Variants in ZC3H15 observed in about 807,000 individuals in gnomAD.
ZC3H15 encodes zinc finger CCCH domain-containing protein 15.
ZC3H15 carries 15 observed loss-of-function variants against 51.2 expected under a neutral mutation model. That is an observed-to-expected ratio of 0.29 (90% CI 0.20 to 0.45). The LOEUF (loss-of-function observed/expected upper bound fraction) is 0.45. Among genes scored for constraint, ZC3H15 ranks in the 20% least tolerant of loss-of-function variants. ZC3H15 has a pLI of 1.00. For synonymous variants in ZC3H15, 144 were observed against 162.8 expected (o/e 0.88, Z 0.88); for missense variants, 381 against 494.7 (o/e 0.77, Z 2.18).
intron 2 of ZC3H15, among the ~76,000 whole-genome samples, chr2:186,499,127 G>A (rs902666730): frequency 6.6e-6 from 1 of 152,094 alleles, no homozygotes; most frequent in African/African-American, 2.4e-5. Context: ...TATCAGCTCT[G>A]TCTCCTTTTC....
chr2:186,494,391 A>G (rs969758404), intron 1 of ZC3H15, among the ~76,000 whole-genome samples: 9 of 152,332 alleles, frequency 5.9e-5, no homozygotes, highest in Admixed American at 2.6e-4. Flanking sequence ...AACTGAATGT[A>G]TCTTCCTCTT....
intron 2 of ZC3H15, among the ~76,000 whole-genome samples, chr2:186,498,958 TG>T (rs1685332123): frequency 6.6e-6 from 1 of 152,220 alleles, no homozygotes; most frequent in East Asian, 1.9e-4. Context: ...CCAGATGCTT[TG>T]TAAGCATCTT....
intron 1 of ZC3H15, among the ~76,000 whole-genome samples, chr2:186,491,635 A>G (rs1233138529): frequency 6.6e-6 from 1 of 152,166 alleles, no homozygotes; most frequent in East Asian, 1.9e-4. Flanking sequence ...GTTTGGGATT[A>G]AAATTTGGGC....
At chr2:186,499,169 T>C (rs1361615719) in intron 2 of ZC3H15, among the ~76,000 whole-genome samples, 1 of 152,176 alleles carries the variant, frequency 6.6e-6, no homozygotes, top group Admixed American at 6.5e-5. Context: ...CATTTTAAGC[T>C]CTTGTGTTTT....
Position 186,505,459 on chromosome 2 carries a change from C to G in ZC3H15, c.726C>G (p.Ala242=). 1 of 1,557,562 alleles carries G rather than the reference C, an allele frequency of 6.4e-7. No individual in the cohort carries two copies. Among genetic ancestry groups the G allele is most frequent in the Non-Finnish European group, 8.6e-7 (1 of 1,158,670 alleles). The change falls in exon 7 of 10, where the codon GCC becomes GCG. Residue 242 remains alanine, a synonymous_variant. Coordinates refer to ENST00000337859, the MANE Select transcript of ZC3H15 (RefSeq NM_018471.3). ...LEDLIERERS[A]LGPNVTKITL... is the part of the protein sequence containing the mutation. ...ATTCTTTACCATTGCAGCGTTCTGC[C>G]CTAGGTCCAAATGTTACCAAAATCA...
chr2:186,495,946 A>G (rs898849359), intron 2 of ZC3H15, among the ~76,000 whole-genome samples: 2 of 152,148 alleles, frequency 1.3e-5, no homozygotes, highest in Admixed American at 1.3e-4. Context: ...TTGCACTTCT[A>G]TGACTTCCCT....
At chr2:186,489,438 G>A (rs1452806262) in intron 1 of ZC3H15, among the ~76,000 whole-genome samples, 1 of 152,030 alleles carries the variant, frequency 6.6e-6, no homozygotes, top group East Asian at 1.9e-4. Context: ...TGATCTCTGT[G>A]ACTGTTATAA....
intron 1 of ZC3H15, 117 bp downstream of exon 1, chr2:186,486,574 C>A: frequency 9.2e-7 from 1 of 1,082,326 alleles, no homozygotes; most frequent in Non-Finnish European, 1.3e-6. Flanking sequence ...TCCCTTAGGC[C>A]TGTGTGGCCC....
At chr2:186,486,817 T>A (rs565699485) in intron 1 of ZC3H15, 1 of 234,920 alleles carries the variant, frequency 4.3e-6, no homozygotes, top group East Asian at 8.5e-5. Flanking sequence ...CTGAACGGTC[T>A]CGGGCCAGCG....
At chr2:186,506,054 T>G in intron 8 of ZC3H15, 2 of 656,772 alleles carry the variant, frequency 3.0e-6, no homozygotes, top group Non-Finnish European at 2.8e-6. Context: ...TTAATCGAGT[T>G]CATGAATTAG....
chr2:186,501,549 G>T, intron 4 of ZC3H15, 124 bp downstream of exon 4: 3 of 811,472 alleles, frequency 3.7e-6, no homozygotes, highest in African/African-American at 3.5e-5. Context: ...ATAATTAATT[G>T]GGTTTATTAT....
intron 3 of ZC3H15, chr2:186,500,641 A>G (rs1182707316): frequency 6.2e-6 from 3 of 481,944 alleles, no homozygotes; most frequent in Non-Finnish European, 1.2e-5. Flanking sequence ...TCTGTCATGT[A>G]TGTTCATTTC....
At chr2:186,500,129 A>T (rs1685355734) in intron 2 of ZC3H15, 53 bp from the exon 3 acceptor site, 1 of 1,514,754 alleles carries the variant, frequency 6.6e-7, no homozygotes, top group Non-Finnish European at 8.9e-7. Context: ...CTTTGTAGTA[A>T]AAACAATTTT....
At position 186,504,116 on chromosome 2, in the gene ZC3H15, T is replaced by C; in HGVS notation, c.619T>C (p.Tyr207His). 1 of 1,610,326 alleles carries C rather than the reference T, an allele frequency of 6.2e-7. No homozygotes were observed. Among genetic ancestry groups the C allele is most frequent in the Admixed American group, 1.7e-5 (1 of 59,486 alleles). ...CCCTGGAGGGGGTGATATTTGCATGTATCGTCATGCACTTCCTCCTGGATT... is the reference window on the plus strand; with the variant it reads ...CCCTGGAGGGGGTGATATTTGCATGCATCGTCATGCACTTCCTCCTGGATT... ...VCPGGGDICMYRHALPPGFVL... is the reference protein window; with the variant it reads ...VCPGGGDICMHRHALPPGFVL... Residue 207 changes from tyrosine to histidine, a missense_variant, in exon 6 of 10, where the codon TAT becomes CAT. This residue lies in a region of ZC3H15 where 41 missense variants were observed against 86.5 expected (regional missense o/e 0.47). Coordinates refer to ENST00000337859, the MANE Select transcript of ZC3H15 (RefSeq NM_018471.3).
chr2:186,509,073 T>C lies in ZC3H15; in HGVS notation c.*340T>C, dbSNP rs1273725391. ...GCTATTACCAGAAACAACAAACTTA[T>C]ATTTAAAATACCCTTCATTTGACAC... On this transcript the variant is annotated 3_prime_UTR_variant, in exon 10 of 10. Coordinates refer to ENST00000337859, the MANE Select transcript of ZC3H15 (RefSeq NM_018471.3). 6.4e-6 allele frequency: 3 copies of C among 471,410 alleles called. No individual in the cohort carries two copies. The highest frequency in any genetic ancestry group is 3.1e-5 in the South Asian group (2 of 64,566). The allele number at this position is 471,410 out of a possible 1,614,324, so 29.2% of individuals were successfully genotyped here.
In ZC3H15 at chr2:186,486,966, A is replaced by G. The variant is rs1054203985; in HGVS notation, c.75+509A>G. The G allele has an allele frequency of 2.0e-5, 3 of 153,248 alleles. No individual in the cohort carries two copies. The Admixed American group carries it at 2.0e-4, about 10-fold the overall frequency. The allele number at this position is 153,248 out of a possible 1,614,324, so 9.5% of individuals were successfully genotyped here. On this transcript the variant is annotated intron_variant, in intron 1 of 9. Transcript: ENST00000337859. ...TTTCGATCCACCTCTGAAATGTTTA[A>G]AGTCCCATAAAGAATGGAAGGACTT...
chr2:186,493,919 G>T (rs746623472), intron 1 of ZC3H15, among the ~76,000 whole-genome samples: 8 of 149,132 alleles, frequency 5.4e-5, no homozygotes, highest in African/African-American at 2.0e-4. Flanking sequence ...GAAGACCTAC[G>T]TCCAAATAAA....
Position 186,509,139 on chromosome 2 carries a change from T to C in ZC3H15, c.*406T>C. 2.3e-6 allele frequency: 1 copy of C among 436,566 alleles called. No homozygotes were observed. The highest frequency in any genetic ancestry group is 4.6e-6 in the Non-Finnish European group (1 of 218,614). 27.0% of individuals were successfully genotyped at this position (436,566 alleles called of 1,614,324 possible). A position where few individuals can be genotyped will look rare whatever the true frequency, so the allele number is the denominator to read the frequency against. ...ATTTAATTTCCTCTGTATTTGTATG[T>C]TTAGAAGACTGCCTAAAACATGAGC... On this transcript the variant is annotated 3_prime_UTR_variant, in exon 10 of 10. Transcript: ENST00000337859.
intron 9 of ZC3H15, among the ~76,000 whole-genome samples, chr2:186,507,890 A>G (rs1306499886): frequency 6.6e-6 from 1 of 152,208 alleles, no homozygotes; most frequent in Non-Finnish European, 1.5e-5. Context: ...AGATTATAAA[A>G]TTCCCAAGAC....
Sources: allele counts gnomAD v4.1 joint callset (sites outside exome capture counted in the v4.1 genomes callset), GRCh38; gene constraint gnomAD v4.1.1; regional missense constraint gnomAD v4.1.1; transcripts MANE v1.5; gene names NCBI Gene and HGNC (gene_info 2026-07-23, HGNC 2026-07-21).